The following HTR4 variants were observed in gnomAD, a reference collection of about 807,000 sequenced individuals.
HTR4 encodes 5-hydroxytryptamine receptor 4.
HTR4 carries 16 observed loss-of-function variants against 36.8 expected under a neutral mutation model. The observed-to-expected ratio is 0.43, with a 90% CI of 0.29 to 0.66. The LOEUF (loss-of-function observed/expected upper bound fraction) is 0.66. Among genes scored for constraint, HTR4 ranks in the 30% least tolerant of loss-of-function variants. HTR4 has a pLI of 0.13. For synonymous variants in HTR4, 189 were observed against 185.1 expected (o/e 1.02, Z -0.17); for missense variants, 438 against 490.9 (o/e 0.89, Z 1.02).
At chr5:148,505,157 C>T (rs2113761727) in intron 6 of HTR4, among the ~76,000 whole-genome samples, 1 of 152,274 alleles carries the variant, frequency 6.6e-6, no homozygotes, top group East Asian at 1.9e-4. Flanking sequence ...AGCAGCACAT[C>T]AAAAAGCTTA....
At chr5:148,531,136 A>C (rs1451008153) in intron 4 of HTR4, among the ~76,000 whole-genome samples, 1 of 152,160 alleles carries the variant, frequency 6.6e-6, no homozygotes, top group East Asian at 1.9e-4. Context: ...TTAATACCAA[A>C]AGGAGTTAAG....
At chr5:148,465,121 C>A (rs79988688) in intron 5 of HTR4, among the ~76,000 whole-genome samples, 2,796 of 151,946 alleles carry the variant, frequency 0.018, 96 homozygotes, top group African/African-American at 0.063. Flanking sequence ...ATTTTTAGGG[C>A]AATAAAATTA....
downstream of HTR4, among the ~76,000 whole-genome samples, chr5:148,474,606 C>T (rs746757159): frequency 9.5e-4 from 145 of 152,262 alleles, 1 homozygote; most frequent in Non-Finnish European, 2.5e-4. Context: ...ACTATTCATC[C>T]AGGCTACTAG....
At chr5:148,608,259 T>C (rs1399477911) in intron 2 of HTR4, among the ~76,000 whole-genome samples, 3 of 152,202 alleles carry the variant, frequency 2.0e-5, no homozygotes, top group African/African-American at 7.2e-5. Context: ...CCTTCATGTA[T>C]CTTAAAGTCT....
At chr5:148,500,283 A>G (rs1374578374) in intron 6 of HTR4, among the ~76,000 whole-genome samples, 1 of 152,082 alleles carries the variant, frequency 6.6e-6, no homozygotes, top group Admixed American at 6.5e-5. Flanking sequence ...CTGTATTTAA[A>G]GTTATAGATG....
At chr5:148,579,104 T>A (rs1761037453) in intron 2 of HTR4, among the ~76,000 whole-genome samples, 1 of 152,104 alleles carries the variant, frequency 6.6e-6, no homozygotes, top group African/African-American at 2.4e-5. Context: ...CTCATAGCTG[T>A]CAGTTTCTGC....
At chr5:148,466,632 C>T (rs1029851844) in intron 5 of HTR4, among the ~76,000 whole-genome samples, 4 of 151,440 alleles carry the variant, frequency 2.6e-5, no homozygotes, top group African/African-American at 4.9e-5. Flanking sequence ...GTCCTCCCTA[C>T]GGTTCAGTTT....
chr5:148,525,455 T>A (rs1758224083), intron 4 of HTR4, among the ~76,000 whole-genome samples: 2 of 152,214 alleles, frequency 1.3e-5, no homozygotes, highest in South Asian at 4.1e-4. Context: ...TCTTTGCTGT[T>A]GCTATAGTGC....
In HTR4 at chr5:148,640,491, A is replaced by C. The variant is rs904397197; in HGVS notation, c.-47-3430T>G. Among the ~76,000 whole-genome samples the C allele has an allele frequency of 2.0e-5, 3 of 152,342 alleles. No homozygotes were observed. In the South Asian group the frequency reaches 6.2e-4, roughly 32 times the overall value. On this transcript the variant is annotated intron_variant, in intron 1 of 6. Coordinates refer to ENST00000377888, the MANE Select transcript of HTR4 (RefSeq NM_000870.7). ...AGACAGTTTGAAGCTGCTAGTGGCC[A>C]TCATTGCCACCCCATGGGAGGAGCT...
intron 2 of HTR4, 103 bp downstream of exon 2, chr5:148,636,886 C>A: frequency 1.4e-6 from 1 of 695,252 alleles, no homozygotes. Context: ...CAAAGAAAAT[C>A]CACATCCATT....
At chr5:148,455,150 TCTA>T (rs1381880327) in intron 5 of HTR4, among the ~76,000 whole-genome samples, 1 of 152,202 alleles carries the variant, frequency 6.6e-6, no homozygotes, top group Admixed American at 6.5e-5. Context: ...TGGCAGGTGC[TCTA>T]CTTAGACTGT....
chr5:148,533,870 T>G (rs1758689599), intron 4 of HTR4, among the ~76,000 whole-genome samples: 1 of 152,110 alleles, frequency 6.6e-6, no homozygotes, highest in African/African-American at 2.4e-5. Flanking sequence ...AAATATCTGT[T>G]TAATACATAT....
intron 2 of HTR4, among the ~76,000 whole-genome samples, chr5:148,616,369 G>A (rs1752689516): frequency 2.0e-5 from 3 of 152,122 alleles, no homozygotes; most frequent in Admixed American, 2.0e-4. Flanking sequence ...CTCTAGTTCA[G>A]GGCTGCACCT....
chr5:148,543,463 A>G (rs1312408119), intron 4 of HTR4, among the ~76,000 whole-genome samples: 4 of 152,198 alleles, frequency 2.6e-5, no homozygotes, highest in Non-Finnish European at 5.9e-5. Flanking sequence ...AAACCTTGCT[A>G]ATAGATCATC....
chr5:148,482,742 AAG>A lies in HTR4; in HGVS notation c.*459_*460del, dbSNP rs1755947773. 3.0e-6 allele frequency: 3 copies of A among 1,013,654 alleles called. No homozygotes were observed. Among genetic ancestry groups the A allele is most frequent in the Non-Finnish European group, 3.5e-6 (3 of 845,274 alleles). The allele number at this position is 1,013,654 out of a possible 1,614,324, so 62.8% of individuals were successfully genotyped here. A position where few individuals can be genotyped will look rare whatever the true frequency, so the allele number is the denominator to read the frequency against. On this transcript the variant is annotated 3_prime_UTR_variant, in exon 7 of 7. Transcript: ENST00000377888. ...GACGGACGTGACCAAGCAAGTAAGCAAGACAGGAGCGACGCCTCTGGCTAAGA... is the reference window on the plus strand; with the variant it reads ...GACGGACGTGACCAAGCAAGTAAGCAACAGGAGCGACGCCTCTGGCTAAGA...
chr5:148,519,347 C>A (rs1020285017), intron 5 of HTR4, among the ~76,000 whole-genome samples: 1 of 152,154 alleles, frequency 6.6e-6, no homozygotes, highest in South Asian at 2.1e-4. Flanking sequence ...ATGTTAACAA[C>A]CCTGCATTGG....
chr5:148,550,310 C>T, intron 2 of HTR4, 48 bp from the exon 3 acceptor site: 1 of 1,605,780 alleles, frequency 6.2e-7, no homozygotes, highest in Non-Finnish European at 8.5e-7. Context: ...CTCTGGGACA[C>T]AAGAAGGAAA....
intron 1 of HTR4, among the ~76,000 whole-genome samples, chr5:148,651,627 T>C (rs56006283): frequency 0.19 from 29,514 of 152,030 alleles, 3,445 homozygotes; most frequent in East Asian, 0.4. Flanking sequence ...CAACGAACCA[T>C]CTAGCTCAAA....
At chr5:148,606,047 T>C (rs1398421910) in intron 2 of HTR4, among the ~76,000 whole-genome samples, 1 of 152,164 alleles carries the variant, frequency 6.6e-6, no homozygotes, top group Non-Finnish European at 1.5e-5. Flanking sequence ...AGATAAATGA[T>C]TTTAATATAT....
Sources: gnomAD v4.1 joint callset for allele counts (sites outside exome capture counted in the v4.1 genomes callset) on GRCh38, gnomAD v4.1.1 for gene constraint, MANE v1.5 for transcripts, NCBI Gene and HGNC (gene_info 2026-07-23, HGNC 2026-07-21) for gene names.